FNDC3B: variants seen among roughly 807,000 people sequenced by gnomAD.
FNDC3B encodes fibronectin type III domain-containing protein 3B.
FNDC3B carries 12 observed loss-of-function variants against 151.5 expected under a neutral mutation model. The observed-to-expected ratio is 0.08, with a 90% CI of 0.05 to 0.13. FNDC3B has a LOEUF of 0.13. Ranked by LOEUF, FNDC3B falls within the 10% of genes least tolerant of loss-of-function variation. FNDC3B has a pLI of 1.00. For missense variants in FNDC3B, 1,214 were observed against 1,505.3 expected (o/e 0.81, Z 3.20); for synonymous variants, 528 against 549.0 (o/e 0.96, Z 0.54).
At chr3:172,147,685 G>T (rs963512497) in intron 3 of FNDC3B, among the ~76,000 whole-genome samples, 9 of 152,114 alleles carry the variant, frequency 5.9e-5, no homozygotes, top group South Asian at 2.1e-4. Context: ...GGTCTGGGGT[G>T]GGTGGGGCCA....
At chr3:172,268,331 A>G (rs954721079) in intron 6 of FNDC3B, among the ~76,000 whole-genome samples, 2 of 152,254 alleles carry the variant, frequency 1.3e-5, no homozygotes, top group Non-Finnish European at 2.9e-5. Context: ...TTACCTGGAC[A>G]GTAATTAGAG....
intron 2 of FNDC3B, among the ~76,000 whole-genome samples, chr3:172,119,213 T>C (rs1720418474): frequency 6.7e-6 from 1 of 149,836 alleles, no homozygotes; most frequent in Admixed American, 6.7e-5. Context: ...ATAGGATTTA[T>C]GACTAAATTT....
At chr3:172,044,059 T>C (rs1442223901) in intron 1 of FNDC3B, among the ~76,000 whole-genome samples, 2 of 152,216 alleles carry the variant, frequency 1.3e-5, no homozygotes, top group East Asian at 3.8e-4. Flanking sequence ...ATTCTTTTAC[T>C]CTCAGTGTAT....
At chr3:172,323,369 C>T (rs1364525958) in intron 11 of FNDC3B, among the ~76,000 whole-genome samples, 1 of 151,930 alleles carries the variant, frequency 6.6e-6, no homozygotes, top group Non-Finnish European at 1.5e-5. Flanking sequence ...AAAATTTAGC[C>T]AGGTGTGGTG....
chr3:172,232,741 G>A (rs1178337626), intron 4 of FNDC3B, among the ~76,000 whole-genome samples: 1 of 152,226 alleles, frequency 6.6e-6, no homozygotes, highest in Admixed American at 6.5e-5. Context: ...AGTGTGATTA[G>A]AGTTGAAACT....
chr3:172,314,697 TG>T (rs1251146136), intron 11 of FNDC3B, among the ~76,000 whole-genome samples: 2 of 152,180 alleles, frequency 1.3e-5, no homozygotes, highest in Non-Finnish European at 1.5e-5. Flanking sequence ...AAGACTTGCA[TG>T]GAAAAAGAGC....
rs370379400 is a variant in FNDC3B, at chr3:172,344,222, G to A, written c.2214G>A (p.Val738=). 10 of 1,613,934 alleles carry A rather than the reference G, an allele frequency of 6.2e-6. No individual in the cohort carries two copies. The African/African-American group carries it at 8.0e-5, about 13-fold the overall frequency. ...CTVGNLLPGT[V]YRFRVRALND... Reference sequence around the variant, plus strand: ...TCGGCAACCTGCTTCCTGGAACCGTGTATCGCTTCCGGGTGAGGGCTCTGA... The same window carrying A: ...TCGGCAACCTGCTTCCTGGAACCGTATATCGCTTCCGGGTGAGGGCTCTGA... The change falls in exon 19 of 26, where the codon GTG becomes GTA. Residue 738 remains valine (V), a synonymous_variant. Coordinates refer to ENST00000415807, the MANE Select transcript of FNDC3B (RefSeq NM_022763.4).
At chr3:172,145,897 T>C (rs1721885666) in intron 3 of FNDC3B, among the ~76,000 whole-genome samples, 1 of 145,554 alleles carries the variant, frequency 6.9e-6, no homozygotes, top group Admixed American at 7.1e-5. Flanking sequence ...CACTGCAACC[T>C]CCGCCACCCG....
At chr3:172,143,197 G>C (rs1282628178) in intron 3 of FNDC3B, among the ~76,000 whole-genome samples, 1 of 152,114 alleles carries the variant, frequency 6.6e-6, no homozygotes, top group Non-Finnish European at 1.5e-5. Flanking sequence ...ATTTATTTTT[G>C]TTGTTCTGAA....
rs1720733910 is a variant in FNDC3B, at chr3:172,124,881, A to G, written c.112-8590A>G. Among the ~76,000 whole-genome samples the G allele has an allele frequency of 2.0e-5, 3 of 152,310 alleles. No homozygotes were observed. In the South Asian group the frequency reaches 6.2e-4, roughly 32 times the overall value. On this transcript the variant is annotated intron_variant, in intron 2 of 25. Coordinates refer to ENST00000415807, the MANE Select transcript of FNDC3B (RefSeq NM_022763.4). Reference sequence around the variant, plus strand: ...GGGCTGGTGCTGAGCCCTTACACACATTATTTCATCCAGTAATTACACACG... The same window carrying G: ...GGGCTGGTGCTGAGCCCTTACACACGTTATTTCATCCAGTAATTACACACG...
intron 25 of FNDC3B, among the ~76,000 whole-genome samples, chr3:172,386,574 C>T (rs886166682): frequency 6.6e-6 from 1 of 151,938 alleles, no homozygotes; most frequent in East Asian, 1.9e-4. Context: ...AACCCTGTCT[C>T]TACTAAAAAT....
chr3:172,233,152 T>C (rs1345947502), intron 4 of FNDC3B, among the ~76,000 whole-genome samples: 1 of 152,232 alleles, frequency 6.6e-6, no homozygotes, highest in African/African-American at 2.4e-5. Flanking sequence ...CGTAGTAATT[T>C]ATGATACATT....
At position 172,310,970 on chromosome 3, in the gene FNDC3B, A is replaced by C; in HGVS notation, c.1254+89A>C. ...ATGCCATCTTATTCTTTTATAAGAC[A>C]TGCTAAACACAGAAAAAAGGAATGC... On this transcript the variant is annotated intron_variant, in intron 11 of 25. Coordinates refer to ENST00000415807, the MANE Select transcript of FNDC3B (RefSeq NM_022763.4). 6 of 923,398 alleles carry C rather than the reference A, an allele frequency of 6.5e-6. No homozygotes were observed. In the South Asian group the frequency reaches 8.0e-5, roughly 12 times the overall value. 57.2% of individuals were successfully genotyped at this position (923,398 alleles called of 1,614,324 possible).
chr3:172,271,486 TTTG>T (rs199771582), intron 6 of FNDC3B, among the ~76,000 whole-genome samples: 9,098 of 152,108 alleles, frequency 0.06, 344 homozygotes, highest in Non-Finnish European at 0.075. Context: ...CAGCACATTT[TTTG>T]TTGTTGTTGT....
At chr3:172,395,281 A>G (rs1446746786) in intron 25 of FNDC3B, among the ~76,000 whole-genome samples, 1 of 152,066 alleles carries the variant, frequency 6.6e-6, no homozygotes, top group African/African-American at 2.4e-5. Flanking sequence ...ATAAATTTTT[A>G]TGCAATTTTA....
intron 16 of FNDC3B, among the ~76,000 whole-genome samples, chr3:172,340,221 C>T (rs1251888765): frequency 2.6e-5 from 4 of 151,844 alleles, no homozygotes; most frequent in South Asian, 2.1e-4. Context: ...TTCCACAAAG[C>T]GGTCAGATCA....
At chr3:172,326,219 C>A (rs1388755997) in intron 11 of FNDC3B, among the ~76,000 whole-genome samples, 1 of 152,182 alleles carries the variant, frequency 6.6e-6, no homozygotes, top group African/African-American at 2.4e-5. Flanking sequence ...AACCTACTTT[C>A]CCTTGTTTTT....
intron 19 of FNDC3B, 70 bp from the exon 20 acceptor site, chr3:172,346,257 G>A: frequency 1.2e-6 from 1 of 818,512 alleles, no homozygotes; most frequent in South Asian, 1.7e-5. Context: ...ATAAGCTTTT[G>A]TATGCACACA....
At chr3:172,335,563 G>T (rs1732921198) in intron 15 of FNDC3B, 2 of 152,176 alleles carry the variant, frequency 1.3e-5, no homozygotes, top group Non-Finnish European at 2.9e-5. Flanking sequence ...CATTTAAGTT[G>T]CAATGAATTA....
Sources: allele counts gnomAD v4.1 joint callset (sites outside exome capture counted in the v4.1 genomes callset), GRCh38; gene constraint gnomAD v4.1.1; transcripts MANE v1.5; gene names NCBI Gene and HGNC (gene_info 2026-07-23, HGNC 2026-07-21).